The following HMGXB4 variants were observed in gnomAD, a reference collection of about 807,000 sequenced individuals.
HMGXB4 encodes the protein HMG domain-containing protein 4.
In HMGXB4, 27 loss-of-function variants were observed where a neutral mutation model predicts 63.9. The observed-to-expected ratio is 0.42, with a 90% CI of 0.31 to 0.58. The LOEUF is 0.58. Ranked by LOEUF, HMGXB4 falls within the 20% of genes least tolerant of loss-of-function variation. The pLI, the probability that HMGXB4 is intolerant of heterozygous loss-of-function variation, is 0.13. For synonymous variants in HMGXB4, 264 were observed against 265.3 expected, an observed-to-expected ratio of 0.99 and a Z score of 0.05; for missense variants, 624 against 700.7, an observed-to-expected ratio of 0.89 and a Z score of 1.24.
rs368101268 is a variant in HMGXB4, at chr22:35,265,421, A to T, written c.1033A>T (p.Ser345Cys). Residue 345 changes from serine (S) to cysteine (C), a missense_variant, in exon 5 of 11, where the codon AGT becomes TGT. Ser to Cys is a moderately radical substitution (Grantham distance 112, BLOSUM62 -1). Transcript: ENST00000216106. Reference sequence around the variant, plus strand: ...GAAGCGACACTCCAAGTCCAAGAGAAGTTTAGGACTTTCTGCCGTGCCAGT... The same window carrying T: ...GAAGCGACACTCCAAGTCCAAGAGATGTTTAGGACTTTCTGCCGTGCCAGT... ...KEKRHSKSKRSLGLSAVPVGE... is the reference protein window; with the variant it reads ...KEKRHSKSKRCLGLSAVPVGE... 1.2e-6 allele frequency: 2 copies of T among 1,614,154 alleles called. No individual in the cohort carries two copies. The highest frequency in any genetic ancestry group is 1.7e-6 in the Non-Finnish European group (2 of 1,180,014).
At chr22:35,250,783 C>T in the HMGXB4 span, among the ~76,000 whole-genome samples, 1 of 152,130 alleles carries the variant, frequency 6.6e-6, no homozygotes, top group African/African-American at 2.4e-5. Flanking sequence ...GATCCAGGTA[C>T]CAAGCATCTC....
the HMGXB4 span, among the ~76,000 whole-genome samples, chr22:35,246,900 T>A: frequency 1.3e-5 from 2 of 152,250 alleles, no homozygotes; most frequent in African/African-American, 4.8e-5. Flanking sequence ...GAGTTCCTTT[T>A]ACATCTTTTG....
chr22:35,260,110 A>G (rs1413027068), intron 1 of HMGXB4, among the ~76,000 whole-genome samples: 1 of 152,242 alleles, frequency 6.6e-6, no homozygotes, highest in Non-Finnish European at 1.5e-5. Flanking sequence ...ACCAAAGGGA[A>G]GGCCTGTTAT....
chr22:35,253,144 A>AAAAAAAAAAAAAAAAAAG (rs11282400), upstream of HMGXB4, among the ~76,000 whole-genome samples: 21 of 125,370 alleles, frequency 1.7e-4, 1 homozygote, highest in African/African-American at 5.4e-4. Flanking sequence ...AAAAAAAAAA[A>AAAAAAAAAAAAAAAAAAG]AAAAAAGAAA....
chr22:35,292,596 A>C (rs1055975694), intron 9 of HMGXB4, among the ~76,000 whole-genome samples: 1 of 152,234 alleles, frequency 6.6e-6, no homozygotes, highest in African/African-American at 2.4e-5. Flanking sequence ...GGGTTGTAGG[A>C]TTCTCATAGT....
chr22:35,267,634 C>T (rs1923344733), intron 5 of HMGXB4, among the ~76,000 whole-genome samples: 1 of 150,544 alleles, frequency 6.6e-6, no homozygotes, highest in Admixed American at 6.6e-5. Context: ...CTAGCTACAC[C>T]TTCTGTATTC....
chr22:35,292,225 A>G (rs986349974), intron 9 of HMGXB4, among the ~76,000 whole-genome samples: 11 of 152,150 alleles, frequency 7.2e-5, no homozygotes, highest in African/African-American at 2.4e-4. Context: ...TATTATCTCA[A>G]TCCCATCTGC....
intron 9 of HMGXB4, 100 bp from the exon 10 acceptor site, chr22:35,292,892 A>G: frequency 1.5e-6 from 2 of 1,378,080 alleles, no homozygotes; most frequent in South Asian, 2.6e-5. Flanking sequence ...TTCAAATTAT[A>G]AGAGTAGAAC....
chr22:35,265,428 G>T lies in HMGXB4; in HGVS notation c.1040G>T (p.Gly347Val), dbSNP rs747487173. 8 of 1,614,014 alleles carry T rather than the reference G, an allele frequency of 5.0e-6. No homozygotes were observed. Among genetic ancestry groups the T allele is most frequent in the South Asian group, 1.1e-5 (1 of 91,088 alleles). Reference sequence around the variant, plus strand: ...CACTCCAAGTCCAAGAGAAGTTTAGGACTTTCTGCCGTGCCAGTGGGAGAG... The same window carrying T: ...CACTCCAAGTCCAAGAGAAGTTTAGTACTTTCTGCCGTGCCAGTGGGAGAG... ...KRHSKSKRSL[G>V]LSAVPVGEVT... is the part of the protein sequence containing the mutation. The change falls in exon 5 of 11, where the codon GGA becomes GTA. Residue 347 changes from glycine (G) to valine (V), a missense_variant. Physicochemically the swap from Gly to Val is moderately radical, Grantham distance 109. Around this residue, in one of 2 missense-constraint regions of HMGXB4, gnomAD observed 472 missense variants for 470.6 expected, o/e 1.00. Coordinates refer to ENST00000216106, the MANE Select transcript of HMGXB4 (RefSeq NM_001003681.3).
the HMGXB4 span, among the ~76,000 whole-genome samples, chr22:35,248,211 C>CA: frequency 6.6e-6 from 1 of 152,132 alleles, no homozygotes; most frequent in South Asian, 2.1e-4. Context: ...CCAGTTCTTT[C>CA]ATTGCTACAA....
chr22:35,289,142 AAAAGAAAGAAAG>A (rs71939802), intron 9 of HMGXB4, among the ~76,000 whole-genome samples: 1 of 149,724 alleles, frequency 6.7e-6, no homozygotes, highest in Non-Finnish European at 1.5e-5. Flanking sequence ...TCCATCACAA[AAAAGAAAGAAAG>A]AAAGAAAGAA....
chr22:35,246,245 T>C, the HMGXB4 span, among the ~76,000 whole-genome samples: 1 of 151,664 alleles, frequency 6.6e-6, no homozygotes, highest in Non-Finnish European at 1.5e-5. Flanking sequence ...CCGCCTATTC[T>C]GTGGTGTTTG....
At chr22:35,289,139 CAAAA>C (rs1325360150) in intron 9 of HMGXB4, among the ~76,000 whole-genome samples, 16 of 110,156 alleles carry the variant, frequency 1.5e-4, no homozygotes, top group Non-Finnish European at 3.0e-4. Context: ...GACTCCATCA[CAAAA>C]AAGAAAGAAA....
intron 6 of HMGXB4, among the ~76,000 whole-genome samples, chr22:35,285,060 T>G (rs889584079): frequency 1.3e-5 from 2 of 152,220 alleles, no homozygotes; most frequent in African/African-American, 4.8e-5. Flanking sequence ...TTTCAAATTC[T>G]ACACATATTT....
intron 6 of HMGXB4, among the ~76,000 whole-genome samples, chr22:35,285,560 G>GA (rs1237486128): frequency 3.3e-5 from 5 of 151,888 alleles, no homozygotes; most frequent in Non-Finnish European, 7.4e-5. Context: ...AAAGAAAAAA[G>GA]AAAAAAATTT....
chr22:35,242,665 C>T, the HMGXB4 span, among the ~76,000 whole-genome samples: 1 of 151,950 alleles, frequency 6.6e-6, no homozygotes, highest in Non-Finnish European at 1.5e-5. Context: ...ATTCCTTCTG[C>T]CTTGGATTTA....
intron 9 of HMGXB4, among the ~76,000 whole-genome samples, chr22:35,289,699 T>A (rs923730204): frequency 3.9e-5 from 6 of 152,240 alleles, no homozygotes. Flanking sequence ...CAGTGCTATA[T>A]GCCCTGGGGA....
upstream of HMGXB4, among the ~76,000 whole-genome samples, chr22:35,254,203 A>G (rs75575939): frequency 0.062 from 9,473 of 152,158 alleles, 380 homozygotes; most frequent in African/African-American, 0.12. Flanking sequence ...ACTGCCCCAC[A>G]CTTAGGGAGT....
At position 35,295,160 on chromosome 22, in the gene HMGXB4, A is replaced by G. The variant is rs1035106074; in HGVS notation, c.*1509A>G. 1.3e-5 allele frequency: 2 copies of G among 152,266 alleles called. No homozygotes were observed. The highest frequency in any genetic ancestry group is 2.9e-5 in the Non-Finnish European group (2 of 68,072). 9.4% of individuals were successfully genotyped at this position (152,266 alleles called of 1,614,324 possible). On this transcript the variant is annotated 3_prime_UTR_variant, in exon 11 of 11. Transcript: ENST00000216106. ...TCTCCTGGCCCTGACAGAGCACTACAGCATCAAAGTAAATCTTTGGGGACA... is the reference window on the plus strand; with the variant it reads ...TCTCCTGGCCCTGACAGAGCACTACGGCATCAAAGTAAATCTTTGGGGACA...
Sources: gnomAD v4.1 joint callset for allele counts (sites outside exome capture counted in the v4.1 genomes callset) on GRCh38, gnomAD v4.1.1 for gene constraint, gnomAD v4.1.1 regional missense constraint, MANE v1.5 for transcripts, NCBI Gene and HGNC (gene_info 2026-07-23, HGNC 2026-07-21) for gene names.